TCOF1: variants seen among roughly 807,000 people sequenced by gnomAD.
TCOF1 encodes the protein treacle protein.
A neutral mutation model predicts 149.0 loss-of-function variants in TCOF1; 33 were observed. That is an observed-to-expected ratio of 0.22 (90% CI 0.17 to 0.30). TCOF1 has a LOEUF of 0.30. TCOF1 is among the 10% of genes least tolerant of loss of function. The pLI is 1.00. For synonymous variants in TCOF1, 789 were observed against 738.8 expected (o/e 1.07, Z -1.10); for missense variants, 1,728 against 1,840.7 (o/e 0.94, Z 1.12).
At chr5:150,364,037 G>A (rs944153982) in intron 2 of TCOF1, 76 bp from the exon 3 acceptor site, 69 of 1,605,690 alleles carry the variant, frequency 4.3e-5, no homozygotes, top group Non-Finnish European at 5.3e-5. Context: ...GAAGGATGCG[G>A]GAAGGTCTGT....
At chr5:150,368,272 C>T (rs1761783752) in intron 4 of TCOF1, 3 of 365,290 alleles carry the variant, frequency 8.2e-6, no homozygotes, top group East Asian at 6.2e-5. Context: ...CCGTAGTGAT[C>T]AAGACATCTG....
chr5:150,364,336 A>G, intron 3 of TCOF1, 84 bp downstream of exon 3: 1 of 1,592,054 alleles, frequency 6.3e-7, no homozygotes, highest in Non-Finnish European at 8.6e-7. Flanking sequence ...TTCTCTTATC[A>G]CTAGAAGACC....
Position 150,371,358 on chromosome 5 carries a change from G to A in TCOF1, c.640-648G>A, listed in dbSNP as rs149551163. On this transcript the variant is annotated intron_variant, in intron 6 of 26. Transcript: ENST00000643257. ...TCTGTCACCCCAGGCCTTGCCAAAG[G>A]GAAGAAGACCACTCCCAGCCCTCCA... is the stretch of plus-strand genomic sequence containing the variant. Among the ~76,000 whole-genome samples, 772 of 152,246 alleles carry A rather than the reference G, an allele frequency of 5.1e-3. 5 individuals carry two copies. Among genetic ancestry groups the A allele is most frequent in the African/African-American group, 0.018 (729 of 41,534 alleles).
At chr5:150,365,429 A>T (rs938687701) in intron 3 of TCOF1, among the ~76,000 whole-genome samples, 1 of 151,760 alleles carries the variant, frequency 6.6e-6, no homozygotes, top group Admixed American at 6.6e-5. Context: ...AAACGAGTTC[A>T]CTTTGAACTG....
Position 150,399,881 on chromosome 5 carries a change from A to C in TCOF1, c.*94A>C, listed in dbSNP as rs1769425196. 6.6e-6 allele frequency: 1 copy of C among 152,286 alleles called. No homozygotes were observed. The highest frequency in any genetic ancestry group is 6.5e-5 in the Admixed American group (1 of 15,298). 9.4% of individuals were successfully genotyped at this position (152,286 alleles called of 1,614,324 possible). A position where few individuals can be genotyped will look rare whatever the true frequency, so the allele number is the denominator to read the frequency against. On this transcript the variant is annotated 3_prime_UTR_variant, in exon 27 of 27. Coordinates refer to ENST00000643257, the MANE Select transcript of TCOF1 (RefSeq NM_001371623.1). ...CCGACCTCTGCCCACCATGGGTTGG[A>C]ACTAAACTGTTACCTTCCCTCGCTC...
chr5:150,361,881 A>G (rs1760189701), intron 2 of TCOF1, among the ~76,000 whole-genome samples: 1 of 152,224 alleles, frequency 6.6e-6, no homozygotes, highest in African/African-American at 2.4e-5. Flanking sequence ...ATGGATAGCC[A>G]TGCATGGGCT....
At chr5:150,366,170 G>A (rs1419210563) in intron 3 of TCOF1, among the ~76,000 whole-genome samples, 2 of 149,550 alleles carry the variant, frequency 1.3e-5, no homozygotes, top group African/African-American at 4.9e-5. Context: ...GGGCAACATA[G>A]TGAGACTCCG....
chr5:150,369,124 T>A (rs1761991758), intron 5 of TCOF1, among the ~76,000 whole-genome samples: 2 of 152,196 alleles, frequency 1.3e-5, no homozygotes, highest in African/African-American at 4.8e-5. Context: ...GTTGGAGCAT[T>A]TTCTGCTTTA....
intron 7 of TCOF1, among the ~76,000 whole-genome samples, chr5:150,373,814 G>C (rs1304301435): frequency 6.6e-6 from 1 of 152,206 alleles, no homozygotes; most frequent in Non-Finnish European, 1.5e-5. Context: ...TGTGCCTCCA[G>C]AGCTCTCTGG....
intron 17 of TCOF1, chr5:150,384,135 A>G (rs1359156623): frequency 1.8e-6 from 2 of 1,100,512 alleles, no homozygotes; most frequent in Non-Finnish European, 2.2e-6. Flanking sequence ...CACATACCAC[A>G]TTGTTATCAA....
At position 150,375,897 on chromosome 5, in the gene TCOF1, G is replaced by C; in HGVS notation, c.1881G>C (p.Met627Ile). ...SADSEEAPAA[M>I]TAAQAKPALK... ...ACAGTGAGGAGGCACCAGCAGCCATGACTGCAGCTCAGGTGAGGCCTGGGG... is the reference window on the plus strand; with the variant it reads ...ACAGTGAGGAGGCACCAGCAGCCATCACTGCAGCTCAGGTGAGGCCTGGGG... Residue 627 changes from methionine to isoleucine, a missense_variant, in exon 12 of 27, where the codon ATG (methionine) becomes ATC (isoleucine). Met to Ile is a conservative substitution (Grantham distance 10). Around this residue, in one of 2 missense-constraint regions of TCOF1, gnomAD observed 1,696 missense variants for 1,765.4 expected, o/e 0.96. Transcript: ENST00000643257. The C allele has an allele frequency of 6.2e-7, 1 of 1,614,228 alleles. No individual in the cohort carries two copies. The highest frequency in any genetic ancestry group is 8.5e-7 in the Non-Finnish European group (1 of 1,180,046).
At position 150,391,795 on chromosome 5, in the gene TCOF1, T is replaced by C. The variant is rs1767500567; in HGVS notation, c.3297+138T>C. 14 of 1,169,870 alleles carry C rather than the reference T, an allele frequency of 1.2e-5. No homozygotes were observed. In the South Asian group the frequency reaches 1.6e-4, roughly 13 times the overall value. The allele number at this position is 1,169,870 out of a possible 1,614,324, so 72.5% of individuals were successfully genotyped here. The stretch of plus-strand genomic sequence containing the variant: ...CTCCCTCGGCCTCAGTGGCCTAATC[T>C]GTAAGAAGGAATTACAGTACCTTTC... On this transcript the variant is annotated intron_variant, in intron 20 of 26. Coordinates refer to ENST00000643257, the MANE Select transcript of TCOF1 (RefSeq NM_001371623.1).
At position 150,375,549 on chromosome 5, in the gene TCOF1, G is replaced by A; in HGVS notation, c.1699G>A (p.Ala567Thr). Residue 567 changes from alanine to threonine, a missense_variant, in exon 11 of 27, where the codon GCT becomes ACT. Physicochemically the swap from Ala to Thr is moderately conservative, Grantham distance 58. Transcript: ENST00000643257. ...DGEVPTAVAP[A>T]QEKSLGNILQ... ...AGAGGTGCCCACAGCTGTGGCCCCG[G>A]CTCAGGTGAGGCCCCTTCCTGTAAG... 1 of 1,614,076 alleles carries A rather than the reference G, an allele frequency of 6.2e-7. No individual in the cohort carries two copies. The highest frequency in any genetic ancestry group is 8.5e-7 in the Non-Finnish European group (1 of 1,179,938).
intron 8 of TCOF1, 80 bp downstream of exon 8, chr5:150,374,466 G>A: frequency 6.5e-7 from 1 of 1,549,352 alleles, no homozygotes; most frequent in South Asian, 1.2e-5. Flanking sequence ...CCCACTCTGG[G>A]CCAGAGCCCC....
At chr5:150,371,301 A>G (rs1382745903) in intron 6 of TCOF1, among the ~76,000 whole-genome samples, 1 of 152,078 alleles carries the variant, frequency 6.6e-6, no homozygotes, top group Admixed American at 6.5e-5. Context: ...CTTGCGCCCT[A>G]GATACCACCA....
intron 3 of TCOF1, among the ~76,000 whole-genome samples, chr5:150,367,121 C>T (rs374416023): frequency 6.6e-6 from 1 of 151,832 alleles, no homozygotes; most frequent in Non-Finnish European, 1.5e-5. Context: ...CTAGCTAACA[C>T]GGTGAAACCC....
At chr5:150,387,309 C>T (rs2150973506) in intron 17 of TCOF1, among the ~76,000 whole-genome samples, 1 of 152,296 alleles carries the variant, frequency 6.6e-6, no homozygotes, top group South Asian at 2.1e-4. Context: ...ACTCACCCAA[C>T]CCTTGTTTCT....
At chr5:150,359,449 G>A (rs543372039) in intron 1 of TCOF1, among the ~76,000 whole-genome samples, 1 of 152,316 alleles carries the variant, frequency 6.6e-6, no homozygotes, top group African/African-American at 2.4e-5. Flanking sequence ...CTGGTGGGCA[G>A]TTTGATCTTC....
chr5:150,395,724 GC>G lies in TCOF1; in HGVS notation c.3785-556del, dbSNP rs538585622. 2.7e-3 allele frequency among the ~76,000 whole-genome samples: 407 copies of G among 152,272 alleles called. 1 individual carries two copies. The highest frequency in any genetic ancestry group is 4.7e-3 in the Non-Finnish European group (318 of 68,014). On this transcript the variant is annotated intron_variant, in intron 23 of 26. Coordinates refer to ENST00000643257, the MANE Select transcript of TCOF1 (RefSeq NM_001371623.1). ...TGCCTGGACCCCCTGACCAGGAAGG[GC>G]CGAGTGTGGGTAATCATCAGTTGAA...
Sources: allele counts gnomAD v4.1 joint callset (sites outside exome capture counted in the v4.1 genomes callset), GRCh38; gene constraint gnomAD v4.1.1; regional missense constraint gnomAD v4.1.1; transcripts MANE v1.5; gene names NCBI Gene and HGNC (gene_info 2026-07-23, HGNC 2026-07-21).